The following WIPF3 variants were observed in gnomAD, a reference collection of about 807,000 sequenced individuals.
WIPF3 encodes the protein WAS/WASL interacting protein family member 3, also known as WAS/WASL-interacting protein family member 3.
WIPF3 carries 33 observed loss-of-function variants against 38.9 expected under a neutral mutation model. The observed-to-expected ratio is 0.85, with a 90% CI of 0.64 to 1.14. The LOEUF is 1.14. Ranked by LOEUF, WIPF3 falls within the 50% of genes most tolerant of loss-of-function variation. WIPF3 has a pLI of 0.00. For synonymous variants in WIPF3, 324 were observed against 269.3 expected, an observed-to-expected ratio of 1.20 and a Z score of -1.99; for missense variants, 711 against 652.5, an observed-to-expected ratio of 1.09 and a Z score of -0.98.
At position 29,834,747 on chromosome 7, in the gene WIPF3, CACCTCCTCTGCCT is replaced by C; in HGVS notation, c.24_36del (p.Pro9HisfsTer19). ...CACATGCCAGTGCCACCGCCACCCC[CACCTCCTCTGCCT>C]CCACCTCCCCCGCCTCTGGGGGCTC... On this transcript the variant is annotated frameshift_variant, in exon 2 of 9. Coordinates refer to ENST00000242140, the MANE Select transcript of WIPF3 (RefSeq NM_001080529.3). LOFTEE classifies it high-confidence loss of function. The C allele has an allele frequency of 1.3e-6, 2 of 1,491,850 alleles. No homozygotes were observed. The highest frequency in any genetic ancestry group is 9.0e-7 in the Non-Finnish European group (1 of 1,114,952). The allele number at this position is 1,491,850 out of a possible 1,614,324, so 92.4% of individuals were successfully genotyped here.
At chr7:29,836,722 C>T (rs1429259776) in intron 2 of WIPF3, among the ~76,000 whole-genome samples, 1 of 152,228 alleles carries the variant, frequency 6.6e-6, no homozygotes, top group Non-Finnish European at 1.5e-5. Flanking sequence ...GGCACAGTGG[C>T]TCACACCTGT....
Position 29,884,264 on chromosome 7 carries a change from T to TGCCCCCCCCC in WIPF3, c.770_771insGCCCCCCCCC (p.Ile260ProfsTer61). On this transcript the variant is annotated frameshift_variant, in exon 5 of 9. Transcript: ENST00000242140. LOFTEE classifies it high-confidence loss of function. ...AAGCCTCAGCTGGCTCCCTTGCACC[T>TGCCCCCCCCC]CCCGCCCATCCCGCCCCCGCTCCCT... is the stretch of plus-strand genomic sequence containing the variant. The TGCCCCCCCCC allele has an allele frequency of 2.3e-6, 3 of 1,315,280 alleles. No individual in the cohort carries two copies. Among genetic ancestry groups the TGCCCCCCCCC allele is most frequent in the Non-Finnish European group, 3.0e-6 (3 of 992,704 alleles). The allele number at this position is 1,315,280 out of a possible 1,614,324, so 81.5% of individuals were successfully genotyped here.
intron 2 of WIPF3, among the ~76,000 whole-genome samples, chr7:29,841,797 A>C (rs545842314): frequency 6.6e-6 from 1 of 152,308 alleles, no homozygotes; most frequent in Non-Finnish European, 1.5e-5. Context: ...GGCTCAAAAA[A>C]ATAGTAATAA....
intron 1 of WIPF3, among the ~76,000 whole-genome samples, chr7:29,828,939 A>C (rs1458979995): frequency 6.6e-6 from 1 of 152,214 alleles, no homozygotes; most frequent in Non-Finnish European, 1.5e-5. Context: ...GCTGAGTGTC[A>C]TTGAAGAGCC....
At chr7:29,827,677 T>C (rs1424769433) in intron 1 of WIPF3, among the ~76,000 whole-genome samples, 1 of 152,160 alleles carries the variant, frequency 6.6e-6, no homozygotes, top group East Asian at 1.9e-4. Flanking sequence ...CTCTGCCCCA[T>C]TTTATAGCCA....
intron 2 of WIPF3, among the ~76,000 whole-genome samples, chr7:29,836,078 C>T (rs1784795231): frequency 6.6e-6 from 1 of 152,156 alleles, no homozygotes; most frequent in African/African-American, 2.4e-5. Context: ...TCTTGCCCTG[C>T]AAGACAGTAG....
Position 29,854,003 on chromosome 7 carries a change from G to C in WIPF3, c.90+19189G>C, listed in dbSNP as rs540432238. ...GTTTAAACACCATTACACTTCGGAT[G>C]ATTTATGTATCACCTGCCTTCACTG... On this transcript the variant is annotated intron_variant, in intron 2 of 8. Transcript: ENST00000242140. Among the ~76,000 whole-genome samples the C allele has an allele frequency of 3.9e-5, 6 of 152,340 alleles. No individual in the cohort carries two copies. The East Asian group carries it at 1.2e-3, about 29-fold the overall frequency.
intron 1 of WIPF3, among the ~76,000 whole-genome samples, chr7:29,806,947 G>A (rs1383781781): frequency 6.6e-6 from 1 of 151,886 alleles, no homozygotes; most frequent in Non-Finnish European, 1.5e-5. Context: ...ACAAACCGCG[G>A]GGTGGGGAGC....
intron 2 of WIPF3, among the ~76,000 whole-genome samples, chr7:29,849,092 T>G (rs1785049262): frequency 6.6e-6 from 1 of 152,146 alleles, no homozygotes; most frequent in Non-Finnish European, 1.5e-5. Context: ...AAATTCTGTA[T>G]GTCACTGTGA....
chr7:29,839,554 A>G (rs1784882759), intron 2 of WIPF3, among the ~76,000 whole-genome samples: 1 of 152,202 alleles, frequency 6.6e-6, no homozygotes, highest in Admixed American at 6.5e-5. Context: ...TCTGCCCGGA[A>G]TGAATGACCT....
intron 1 of WIPF3, among the ~76,000 whole-genome samples, chr7:29,830,489 G>A (rs1784700277): frequency 6.6e-6 from 1 of 151,928 alleles, no homozygotes; most frequent in African/African-American, 2.4e-5. Flanking sequence ...GGGTGGCAGT[G>A]TGTGCCTGTA....
At chr7:29,816,224 G>A (rs1784456001) in intron 1 of WIPF3, among the ~76,000 whole-genome samples, 1 of 152,180 alleles carries the variant, frequency 6.6e-6, no homozygotes, top group Non-Finnish European at 1.5e-5. Context: ...GATGTTCACT[G>A]TAAAATATTT....
chr7:29,881,938 C>G (rs1357324561), intron 4 of WIPF3, among the ~76,000 whole-genome samples: 2 of 152,208 alleles, frequency 1.3e-5, no homozygotes, highest in African/African-American at 4.8e-5. Flanking sequence ...AGCCTCCTCC[C>G]TTACTTCCTT....
intron 7 of WIPF3, among the ~76,000 whole-genome samples, chr7:29,902,337 T>C (rs1167742782): frequency 6.7e-6 from 1 of 149,280 alleles, no homozygotes; most frequent in Non-Finnish European, 1.5e-5. Context: ...GCAGTTACTA[T>C]ATATTTTGCT....
chr7:29,911,491 A>G (rs1002418585), intron 8 of WIPF3, among the ~76,000 whole-genome samples: 1 of 152,176 alleles, frequency 6.6e-6, no homozygotes, highest in African/African-American at 2.4e-5. Context: ...AAAAAGAAGA[A>G]TAAATCTAGG....
At chr7:29,822,123 G>GTTTTTT in intron 1 of WIPF3, among the ~76,000 whole-genome samples, 59 of 62,794 alleles carry the variant, frequency 9.4e-4, no homozygotes, top group East Asian at 2.7e-3. Context: ...TTTTTTCTTA[G>GTTTTTT]TTTTTTTTTT....
intron 5 of WIPF3, among the ~76,000 whole-genome samples, chr7:29,885,361 T>G (rs1323984171): frequency 3.3e-5 from 5 of 152,106 alleles, no homozygotes; most frequent in African/African-American, 1.2e-4. Context: ...GCAGACACAC[T>G]CAAACATATG....
chr7:29,840,315 G>A (rs576857949), intron 2 of WIPF3, among the ~76,000 whole-genome samples: 1 of 152,164 alleles, frequency 6.6e-6, no homozygotes, highest in Admixed American at 6.5e-5. Context: ...CCTACTTAAG[G>A]CCTCTGCATA....
At chr7:29,867,176 C>T (rs1785402307) in intron 2 of WIPF3, among the ~76,000 whole-genome samples, 1 of 152,214 alleles carries the variant, frequency 6.6e-6, no homozygotes, top group African/African-American at 2.4e-5. Context: ...TTGTTAATTC[C>T]TTTACCCAAA....
Sources: gnomAD v4.1 joint callset for allele counts (sites outside exome capture counted in the v4.1 genomes callset) on GRCh38, gnomAD v4.1.1 for gene constraint, MANE v1.5 for transcripts, NCBI Gene and HGNC (gene_info 2026-07-23, HGNC 2026-07-21) for gene names.